The following MARCHF1 variants were observed in gnomAD, a reference collection of about 807,000 sequenced individuals.
MARCHF1 encodes E3 ubiquitin-protein ligase MARCHF1.
MARCHF1 carries 40 observed loss-of-function variants against 54.2 expected under a neutral mutation model. That is an observed-to-expected ratio of 0.74 (90% CI 0.57 to 0.96). The LOEUF is 0.96. Ranked by LOEUF, MARCHF1 falls within the 40% of genes least tolerant of loss-of-function variation. MARCHF1 has a pLI of 0.00. For synonymous variants in MARCHF1, 236 were observed against 236.3 expected, an observed-to-expected ratio of 1.00 and a Z score of 0.01; for missense variants, 586 against 656.5, an observed-to-expected ratio of 0.89 and a Z score of 1.17.
chr4:164,080,872 A>G (rs1409901982), intron 2 of MARCHF1, among the ~76,000 whole-genome samples: 1 of 152,134 alleles, frequency 6.6e-6, no homozygotes, highest in Non-Finnish European at 1.5e-5. Context: ...TTTTGCACAT[A>G]ATGATTTAAG....
At chr4:163,532,052 C>T (rs576550727) in intron 9 of MARCHF1, among the ~76,000 whole-genome samples, 1 of 151,934 alleles carries the variant, frequency 6.6e-6, no homozygotes, top group Admixed American at 6.6e-5. Flanking sequence ...AATACTATCC[C>T]ATTCAGAATT....
chr4:163,853,728 A>G (rs1280439120), intron 4 of MARCHF1, among the ~76,000 whole-genome samples: 1 of 152,198 alleles, frequency 6.6e-6, no homozygotes, highest in African/African-American at 2.4e-5. Flanking sequence ...ATCCAAGAAC[A>G]TAAACTTTAA....
intron 3 of MARCHF1, among the ~76,000 whole-genome samples, chr4:163,986,358 G>A (rs924893867): frequency 1.4e-5 from 2 of 142,842 alleles, no homozygotes; most frequent in African/African-American, 2.6e-5. Flanking sequence ...TCCGCCTCCC[G>A]GGTTCACGCC....
chr4:163,906,150 T>C (rs927224997), intron 3 of MARCHF1, among the ~76,000 whole-genome samples: 1 of 151,986 alleles, frequency 6.6e-6, no homozygotes, highest in Non-Finnish European at 1.5e-5. Flanking sequence ...AGTACAGAAG[T>C]GTTAATAGAT....
At chr4:163,893,956 T>A (rs897778356) in intron 3 of MARCHF1, among the ~76,000 whole-genome samples, 4 of 152,152 alleles carry the variant, frequency 2.6e-5, no homozygotes, top group South Asian at 2.1e-4. Flanking sequence ...ATTTGATCAC[T>A]GGTGAAATAG....
rs190949217 is a variant in MARCHF1, at chr4:164,268,037, A to T, written c.-323+115833T>A. Among the ~76,000 whole-genome samples, 568 of 152,284 alleles carry T rather than the reference A, an allele frequency of 3.7e-3. 1 individual carries two copies. Among genetic ancestry groups the T allele is most frequent in the African/African-American group, 0.013 (524 of 41,566 alleles). ...ACAAATAAATCATCAAAGCAAGCTCATAAGATCAGGTTTCAAAGGTCATGA... is the reference window on the plus strand; with the variant it reads ...ACAAATAAATCATCAAAGCAAGCTCTTAAGATCAGGTTTCAAAGGTCATGA... On this transcript the variant is annotated intron_variant, in intron 1 of 9. Coordinates refer to ENST00000514618, the MANE Select transcript of MARCHF1 (RefSeq NM_001394959.1).
At chr4:164,317,228 C>T (rs371574745) in intron 1 of MARCHF1, among the ~76,000 whole-genome samples, 1 of 152,090 alleles carries the variant, frequency 6.6e-6, no homozygotes, top group Non-Finnish European at 1.5e-5. Flanking sequence ...TGGTATTGTC[C>T]TTTAGTTCAA....
At chr4:163,775,350 TC>T (rs1747275796) in intron 4 of MARCHF1, among the ~76,000 whole-genome samples, 1 of 152,186 alleles carries the variant, frequency 6.6e-6, no homozygotes, top group Non-Finnish European at 1.5e-5. Flanking sequence ...TACAAATATT[TC>T]TTTACTTGTT....
At chr4:163,985,347 T>G (rs1436785249) in intron 3 of MARCHF1, among the ~76,000 whole-genome samples, 1 of 152,136 alleles carries the variant, frequency 6.6e-6, no homozygotes, top group Non-Finnish European at 1.5e-5. Flanking sequence ...TAATATCAAC[T>G]GTATTCAAAC....
chr4:164,310,101 CAG>C (rs1249193802), intron 1 of MARCHF1, among the ~76,000 whole-genome samples: 1 of 151,592 alleles, frequency 6.6e-6, no homozygotes, highest in Non-Finnish European at 1.5e-5. Context: ...TTTTTTGAGA[CAG>C]AGTCTCGCTC....
intron 1 of MARCHF1, among the ~76,000 whole-genome samples, chr4:164,378,778 C>T (rs1268358849): frequency 6.6e-6 from 1 of 152,230 alleles, no homozygotes; most frequent in Non-Finnish European, 1.5e-5. Context: ...ATGGCACGAT[C>T]TTGGCTTGCT....
At position 164,289,643 on chromosome 4, in the gene MARCHF1, C is replaced by T. The variant is rs58952094; in HGVS notation, c.-323+94227G>A. Among the ~76,000 whole-genome samples, 851 of 150,672 alleles carry T rather than the reference C, an allele frequency of 5.6e-3. 12 individuals are homozygous for T. The highest frequency in any genetic ancestry group is 0.02 in the African/African-American group (825 of 41,116). On this transcript the variant is annotated intron_variant, in intron 1 of 9. Coordinates refer to ENST00000514618, the MANE Select transcript of MARCHF1 (RefSeq NM_001394959.1). ...ATCGTTCCCCAGATTTAAGCAACAG[C>T]GGTTATACTTGGCTGCTCCAGCAAC...
intron 1 of MARCHF1, among the ~76,000 whole-genome samples, chr4:164,312,848 A>G (rs915080370): frequency 6.6e-6 from 1 of 152,164 alleles, no homozygotes; most frequent in Non-Finnish European, 1.5e-5. Flanking sequence ...AGTAATTGAC[A>G]TATGGCGTCA....
intron 3 of MARCHF1, among the ~76,000 whole-genome samples, chr4:163,978,694 T>A (rs1294000799): frequency 3.3e-5 from 5 of 151,938 alleles, no homozygotes; most frequent in African/African-American, 1.2e-4. Context: ...TCCTGGGGAT[T>A]TTTTGTTGTA....
intron 2 of MARCHF1, among the ~76,000 whole-genome samples, chr4:164,084,816 A>G (rs947853620): frequency 1.3e-5 from 2 of 151,772 alleles, no homozygotes; most frequent in Non-Finnish European, 3.0e-5. Context: ...TATTGCTTGA[A>G]CCACTATTAA....
chr4:163,918,465 T>C (rs1321715620), intron 3 of MARCHF1, among the ~76,000 whole-genome samples: 10 of 152,006 alleles, frequency 6.6e-5, no homozygotes, highest in Admixed American at 6.6e-4. Flanking sequence ...GATTAAAAGG[T>C]ATTAAGGTAA....
chr4:164,369,418 C>T (rs1364789707), intron 1 of MARCHF1, among the ~76,000 whole-genome samples: 1 of 152,112 alleles, frequency 6.6e-6, no homozygotes, highest in Non-Finnish European at 1.5e-5. Flanking sequence ...TCCAATCCTG[C>T]ACCTGCCACT....
chr4:164,188,510 T>C (rs2111039860), intron 1 of MARCHF1: 1 of 694,660 alleles, frequency 1.4e-6, no homozygotes, highest in Non-Finnish European at 2.7e-6. Context: ...CGTCTGTGTG[T>C]TCAAGACCGG....
chr4:164,037,658 A>G (rs1422268593), intron 2 of MARCHF1, among the ~76,000 whole-genome samples: 1 of 152,236 alleles, frequency 6.6e-6, no homozygotes, highest in Admixed American at 6.5e-5. Context: ...TGGGCTGTGC[A>G]TGGTGACTTC....
Sources: allele counts gnomAD v4.1 joint callset (sites outside exome capture counted in the v4.1 genomes callset), GRCh38; gene constraint gnomAD v4.1.1; transcripts MANE v1.5; gene names NCBI Gene and HGNC (gene_info 2026-07-23, HGNC 2026-07-21).